The following COL4A2 variants were observed in gnomAD, a reference collection of about 807,000 sequenced individuals.
COL4A2 encodes collagen type IV alpha 2 chain.
In COL4A2, 99 loss-of-function variants were observed where a neutral mutation model predicts 200.2. That is an observed-to-expected ratio of 0.49 (90% CI 0.42 to 0.58). COL4A2 has a LOEUF of 0.58. Among genes scored for constraint, COL4A2 ranks in the 20% least tolerant of loss-of-function variants. The probability of loss-of-function intolerance (pLI) is 0.00; values close to 1 mark genes in which losing one functional copy is unlikely to be tolerated. For missense variants in COL4A2, 1,950 were observed against 2,314.1 expected, an observed-to-expected ratio of 0.84 and a Z score of 3.23; for synonymous variants, 897 against 900.6, an observed-to-expected ratio of 1.00 and a Z score of 0.07.
chr13:110,392,335 G>C (rs532959765), intron 4 of COL4A2, among the ~76,000 whole-genome samples: 1 of 152,182 alleles, frequency 6.6e-6, no homozygotes, highest in South Asian at 2.1e-4. Flanking sequence ...TAGTTGAAAC[G>C]TAAATGGAGG....
In COL4A2 at chr13:110,499,826, G is replaced by A. The variant is rs80331610; in HGVS notation, c.3761-1842G>A. Among the ~76,000 whole-genome samples, 104 of 152,298 alleles carry A rather than the reference G, an allele frequency of 6.8e-4. 1 individual carries two copies. In the East Asian group the frequency reaches 0.018, roughly 27 times the overall value. The stretch of plus-strand genomic sequence containing the variant: ...CTGCAGTTAAGTTAATTATGTTTTC[G>A]TGGGAATCTGCCAGTCTGCGGATTG... On this transcript the variant is annotated intron_variant, in intron 40 of 47. Coordinates refer to ENST00000360467, the MANE Select transcript of COL4A2 (RefSeq NM_001846.4).
At chr13:110,369,168 AC>A (rs1477118218) in intron 4 of COL4A2, among the ~76,000 whole-genome samples, 1 of 152,184 alleles carries the variant, frequency 6.6e-6, no homozygotes, top group Non-Finnish European at 1.5e-5. Flanking sequence ...CCGAGATCAC[AC>A]CACTGCACTC....
At chr13:110,412,221 G>A (rs900087181) in intron 4 of COL4A2, among the ~76,000 whole-genome samples, 1 of 152,226 alleles carries the variant, frequency 6.6e-6, no homozygotes, top group African/African-American at 2.4e-5. Flanking sequence ...AATGGAATTC[G>A]ATGTGCTCTT....
In COL4A2 at chr13:110,504,092, C is replaced by T. The variant is rs184168743; in HGVS notation, c.4286-56C>T. On this transcript the variant is annotated intron_variant, in intron 44 of 47. Transcript: ENST00000360467. ...CTCTTGTGTTCTCTTTGTGGATCGC[C>T]GGCCGTGCCAGGCGTGGTCAGTTTC... 1.3e-3 allele frequency: 2,098 copies of T among 1,592,904 alleles called. 30 individuals are homozygous for T. The highest frequency in any genetic ancestry group is 0.013 in the South Asian group (1,145 of 90,352).
chr13:110,327,222 G>C (rs889199094), intron 3 of COL4A2, among the ~76,000 whole-genome samples: 1 of 152,140 alleles, frequency 6.6e-6, no homozygotes, highest in African/African-American at 2.4e-5. Flanking sequence ...TTCCCAGGGG[G>C]CCCCCACCCA....
At chr13:110,491,445 G>C in intron 37 of COL4A2, 105 bp downstream of exon 37, 1 of 798,586 alleles carries the variant, frequency 1.3e-6, no homozygotes, top group Non-Finnish European at 2.1e-6. Flanking sequence ...ACCCAACCCT[G>C]GAAGCTCACT....
At chr13:110,506,737 C>A in intron 46 of COL4A2, 131 bp downstream of exon 46, 2 of 987,392 alleles carry the variant, frequency 2.0e-6, no homozygotes, top group Non-Finnish European at 2.9e-6. Context: ...GGTCCATCTA[C>A]ATTCCTCGAG....
In COL4A2 at chr13:110,489,622, T is replaced by C. The variant is rs113260175; in HGVS notation, c.3272-89T>C. 9.3e-4 allele frequency: 1,478 copies of C among 1,595,148 alleles called. 17 individuals carry two copies. The African/African-American group carries it at 0.017, about 19-fold the overall frequency. ...TAGGTATTTTAAAACAAATTATTCT[T>C]GTTAGGAATATAACAAAATAGAAGT... On this transcript the variant is annotated intron_variant, in intron 35 of 47. Transcript: ENST00000360467.
intron 3 of COL4A2, among the ~76,000 whole-genome samples, chr13:110,332,311 C>T (rs185364205): frequency 4.4e-4 from 67 of 152,254 alleles, no homozygotes; most frequent in Non-Finnish European, 8.4e-4. Context: ...TTTAAAACCG[C>T]GGGATCTCCA....
At chr13:110,352,894 G>A (rs141262748) in intron 3 of COL4A2, among the ~76,000 whole-genome samples, 1,613 of 152,264 alleles carry the variant, frequency 0.011, 15 homozygotes, top group Middle Eastern at 0.02. Context: ...CGGGCTGAAC[G>A]GCTACAGCAC....
At chr13:110,445,792 C>G (rs779301123) in intron 16 of COL4A2, 37 bp from the exon 17 acceptor site, 4 of 1,613,146 alleles carry the variant, frequency 2.5e-6, no homozygotes, top group Non-Finnish European at 3.4e-6. Flanking sequence ...AGTTATACAT[C>G]AGAGACAAAA....
chr13:110,378,110 AAAT>A (rs1878318701), intron 4 of COL4A2, among the ~76,000 whole-genome samples: 1 of 152,226 alleles, frequency 6.6e-6, no homozygotes, highest in Admixed American at 6.5e-5. Flanking sequence ...ATGTAATGTG[AAAT>A]GAAGAATTTC....
chr13:110,408,922 C>T lies in COL4A2; in HGVS notation c.181-15812C>T. 3.4e-5 allele frequency among the ~76,000 whole-genome samples: 2 copies of T among 59,000 alleles called. 1 individual carries two copies. The highest frequency in any genetic ancestry group is 7.0e-5 in the Non-Finnish European group (2 of 28,542). The allele number at this position is 59,000 out of a possible 152,430, so 38.7% of individuals were successfully genotyped here. On this transcript the variant is annotated intron_variant, in intron 4 of 47. Coordinates refer to ENST00000360467, the MANE Select transcript of COL4A2 (RefSeq NM_001846.4). ...ACACATGCAGATATACACATGCACACACACGTACACACGCACACATATATA... is the reference window on the plus strand; with the variant it reads ...ACACATGCAGATATACACATGCACATACACGTACACACGCACACATATATA...
chr13:110,353,800 C>T (rs537564713), intron 3 of COL4A2, among the ~76,000 whole-genome samples: 14 of 152,276 alleles, frequency 9.2e-5, no homozygotes, highest in South Asian at 2.1e-4. Context: ...CGTGTGTGCA[C>T]GCACGGCTGG....
chr13:110,433,486 T>G (rs1880760345), intron 11 of COL4A2, among the ~76,000 whole-genome samples: 2 of 152,210 alleles, frequency 1.3e-5, no homozygotes, highest in African/African-American at 4.8e-5. Flanking sequence ...TAATCCAGCC[T>G]GGCCGCGTTT....
At chr13:110,338,391 C>T (rs1876297531) in intron 3 of COL4A2, among the ~76,000 whole-genome samples, 1 of 135,752 alleles carries the variant, frequency 7.4e-6, no homozygotes, top group Admixed American at 8.4e-5. Context: ...GCCATGTGGC[C>T]AACTATTAAA....
At chr13:110,509,256 TATATATATATATATACACAC>T (rs1278841257) in intron 47 of COL4A2, among the ~76,000 whole-genome samples, 1 of 117,146 alleles carries the variant, frequency 8.5e-6, no homozygotes, top group Admixed American at 9.0e-5. Context: ...TATATATATA[TATATATATATATATACACAC>T]ACACACACAC....
At chr13:110,408,628 G>A (rs990905256) in intron 4 of COL4A2, among the ~76,000 whole-genome samples, 6 of 152,194 alleles carry the variant, frequency 3.9e-5, no homozygotes, top group Non-Finnish European at 7.4e-5. Flanking sequence ...AGCGGGATGC[G>A]CTGGTGTGGA....
chr13:110,459,037 C>A, intron 22 of COL4A2, 103 bp downstream of exon 22: 1 of 1,145,776 alleles, frequency 8.7e-7, no homozygotes, highest in Non-Finnish European at 1.2e-6. Context: ...TTCAGACCGG[C>A]AACACTCATG....
Sources: allele counts gnomAD v4.1 joint callset (sites outside exome capture counted in the v4.1 genomes callset), GRCh38; gene constraint gnomAD v4.1.1; transcripts MANE v1.5; gene names NCBI Gene and HGNC (gene_info 2026-07-23, HGNC 2026-07-21).